The following NSMCE1 variants were observed in gnomAD, a reference collection of about 807,000 sequenced individuals.
The protein encoded by NSMCE1 is NSE1 component of SMC5/6 complex.
A neutral mutation model predicts 29.6 loss-of-function variants in NSMCE1; 18 were observed. The observed-to-expected ratio is 0.61, with a 90% CI of 0.42 to 0.90. The LOEUF is 0.90. Ranked by LOEUF, NSMCE1 falls within the 40% of genes least tolerant of loss-of-function variation. NSMCE1 has a pLI of 0.00. For synonymous variants in NSMCE1, 124 were observed against 133.4 expected (o/e 0.93, Z 0.49); for missense variants, 314 against 343.6 (o/e 0.91, Z 0.68).
chr16:27,231,454 T>C (rs1030618652), intron 5 of NSMCE1, among the ~76,000 whole-genome samples: 9 of 152,000 alleles, frequency 5.9e-5, no homozygotes, highest in Non-Finnish European at 2.9e-5. Flanking sequence ...CTGGTCAACA[T>C]GGAGGAACCC....
At chr16:27,230,280 A>G (rs779469747) in intron 5 of NSMCE1, among the ~76,000 whole-genome samples, 1 of 152,082 alleles carries the variant, frequency 6.6e-6, no homozygotes, top group African/African-American at 2.4e-5. Context: ...GGGGTGATAT[A>G]CCCACCTGGA....
chr16:27,241,998 C>A (rs1425574689), intron 2 of NSMCE1: 1 of 342,516 alleles, frequency 2.9e-6, no homozygotes, highest in Non-Finnish European at 5.9e-6. Flanking sequence ...AAAATTCTTA[C>A]ATATACATGC....
rs553735195 is a variant in NSMCE1, at chr16:27,263,606, T to C, written c.-12+5100A>G. 2.4e-4 allele frequency among the ~76,000 whole-genome samples: 36 copies of C among 152,212 alleles called. No homozygotes were observed. The South Asian group carries it at 6.9e-3, about 29-fold the overall frequency. ...ATAACTATCGGGTACTGGACTTAAT[T>C]CTTGGCTGATTAAAAAAGCTGTACA... On this transcript the variant is annotated intron_variant, in intron 1 of 7. Transcript: ENST00000361439.
chr16:27,257,035 A>C (rs1434901240), intron 2 of NSMCE1, among the ~76,000 whole-genome samples: 1 of 152,090 alleles, frequency 6.6e-6, no homozygotes, highest in Non-Finnish European at 1.5e-5. Flanking sequence ...GTGTCCATCA[A>C]TACCCCACTA....
chr16:27,232,314 G>A lies in NSMCE1; in HGVS notation c.483+687C>T, dbSNP rs1052140104. 2.6e-5 allele frequency among the ~76,000 whole-genome samples: 4 copies of A among 152,218 alleles called. No individual in the cohort carries two copies. Among genetic ancestry groups the A allele is most frequent in the Non-Finnish European group, 4.4e-5 (3 of 68,044 alleles). The stretch of plus-strand genomic sequence containing the variant: ...GGGTGCCTTTTGTGGAAAAAGAACT[G>A]AAACATTTGTTCTGCTCCATTCAGC... On this transcript the variant is annotated intron_variant, in intron 5 of 7. Coordinates refer to ENST00000361439, the MANE Select transcript of NSMCE1 (RefSeq NM_145080.4). The surrounding 1 kb of genome is among the most constrained non-coding windows in gnomAD (Gnocchi z 4.5).
intron 3 of NSMCE1, 30 bp downstream of exon 3, chr16:27,235,148 T>C (rs780410058): frequency 1.9e-5 from 30 of 1,603,136 alleles, no homozygotes; most frequent in Non-Finnish European, 2.5e-5. Context: ...TCCTCAAAAA[T>C]GCCACTAGAG....
chr16:27,250,830 T>C (rs1419665106), intron 2 of NSMCE1, among the ~76,000 whole-genome samples: 2 of 146,182 alleles, frequency 1.4e-5, no homozygotes, highest in Admixed American at 6.8e-5. Context: ...ATGAAATTTA[T>C]TTAATTTTAA....
At chr16:27,251,731 C>G (rs1198796324) in intron 2 of NSMCE1, among the ~76,000 whole-genome samples, 1 of 152,190 alleles carries the variant, frequency 6.6e-6, no homozygotes, top group African/African-American at 2.4e-5. Flanking sequence ...ATTCCCAGTT[C>G]TGTGAATAGC....
intron 5 of NSMCE1, among the ~76,000 whole-genome samples, chr16:27,228,565 T>C (rs533610813): frequency 8.7e-6 from 1 of 115,410 alleles, no homozygotes; most frequent in South Asian, 3.0e-4. Flanking sequence ...CCCCTCCAGA[T>C]CCATCACAGC....
rs778687691 is a variant in NSMCE1, at chr16:27,225,717, C to T, written c.721+9G>A. ...AGCCCCTCCCATGAGCTCCTCAGGG[C>T]CCACGCACTTGGGATCTCGTGGGGC... On this transcript the variant is annotated intron_variant, in intron 7 of 7. Coordinates refer to ENST00000361439, the MANE Select transcript of NSMCE1 (RefSeq NM_145080.4). 3.1e-6 allele frequency: 5 copies of T among 1,614,000 alleles called. No homozygotes were observed. Among genetic ancestry groups the T allele is most frequent in the Non-Finnish European group, 2.5e-6 (3 of 1,179,964 alleles).
intron 2 of NSMCE1, among the ~76,000 whole-genome samples, chr16:27,255,517 T>C (rs1328078678): frequency 6.6e-6 from 1 of 152,186 alleles, no homozygotes; most frequent in African/African-American, 2.4e-5. Context: ...AGTAGGTCAA[T>C]TAGGTTTGGA....
chr16:27,252,816 G>A (rs1448571421), intron 2 of NSMCE1, among the ~76,000 whole-genome samples: 9 of 152,168 alleles, frequency 5.9e-5, no homozygotes, highest in South Asian at 2.1e-4. Flanking sequence ...CTACTCAGGC[G>A]GCTGAGGCAG....
chr16:27,226,130 G>A, intron 6 of NSMCE1: 1 of 315,206 alleles, frequency 3.2e-6, no homozygotes, highest in Non-Finnish European at 6.0e-6. Context: ...GTGGCGTGTG[G>A]ACAGCCACAG....
At chr16:27,230,602 G>A (rs1370504516) in intron 5 of NSMCE1, 1 of 152,340 alleles carries the variant, frequency 6.6e-6, no homozygotes, top group Non-Finnish European at 1.5e-5. Flanking sequence ...ACAGGCAGCG[G>A]AGGAACCTGG....
intron 2 of NSMCE1, among the ~76,000 whole-genome samples, chr16:27,240,591 A>C (rs533014657): frequency 1.3e-5 from 2 of 152,192 alleles, no homozygotes; most frequent in African/African-American, 2.4e-5. Flanking sequence ...CCCTGGAGCG[A>C]ACAGAGCCAC....
At chr16:27,257,241 A>T (rs79230698) in intron 2 of NSMCE1, 194 bp downstream of exon 2, 333 of 462,974 alleles carry the variant, frequency 7.2e-4, no homozygotes, top group African/African-American at 6.1e-3. Flanking sequence ...ACAGGGCTAA[A>T]TGTCAGGTTT....
chr16:27,235,325 G>A (rs773582529), intron 2 of NSMCE1, 26 bp from the exon 3 acceptor site: 2 of 1,609,536 alleles, frequency 1.2e-6, no homozygotes, highest in Non-Finnish European at 1.7e-6. Context: ...CCAAAAAAAG[G>A]GGGGTGACCA....
chr16:27,225,276 G>A (rs745621355), intron 7 of NSMCE1, 40 bp from the exon 8 acceptor site: 1 of 1,276,018 alleles, frequency 7.8e-7, no homozygotes, highest in Non-Finnish European at 1.1e-6. Context: ...GTGAATGGAG[G>A]GGCTGGCAGC....
chr16:27,240,011 G>A (rs1428576930), intron 2 of NSMCE1, among the ~76,000 whole-genome samples: 3 of 152,160 alleles, frequency 2.0e-5, no homozygotes, highest in Admixed American at 6.5e-5. Flanking sequence ...CAGTAACTCC[G>A]TAAGATGAAA....
Sources: gnomAD v4.1 joint callset for allele counts (sites outside exome capture counted in the v4.1 genomes callset) on GRCh38, gnomAD v4.1.1 for gene constraint, Gnocchi (gnomAD v3.1) non-coding constraint, MANE v1.5 for transcripts, NCBI Gene and HGNC (gene_info 2026-07-23, HGNC 2026-07-21) for gene names.